SBF2: variants seen among roughly 807,000 people sequenced by gnomAD.
SBF2 encodes myotubularin-related protein 13.
Under a neutral mutation model 225.2 loss-of-function variants are expected in SBF2, and 112 were observed. The observed-to-expected ratio is 0.50, with a 90% CI of 0.43 to 0.58. SBF2 has a LOEUF of 0.58. Ranked by LOEUF, SBF2 falls within the 20% of genes least tolerant of loss-of-function variation. The probability of loss-of-function intolerance (pLI) is 0.00; values close to 1 mark genes in which losing one functional copy is unlikely to be tolerated. For missense variants in SBF2, 1,996 were observed against 2,206.2 expected (o/e 0.90, Z 1.91); for synonymous variants, 763 against 773.3 (o/e 0.99, Z 0.22).
intron 1 of SBF2, among the ~76,000 whole-genome samples, chr11:10,224,247 AG>A (rs1390040402): frequency 6.6e-6 from 1 of 152,130 alleles, no homozygotes; most frequent in Non-Finnish European, 1.5e-5. Flanking sequence ...TCCATGTATA[AG>A]TAGACCCATG....
At chr11:10,302,988 C>T (rs1042739686) in intron 1 of SBF2, 5 of 152,404 alleles carry the variant, frequency 3.3e-5, no homozygotes, top group Non-Finnish European at 5.9e-5. Context: ...CAAGTGGAAG[C>T]TGGCGACAAG....
Position 9,993,118 on chromosome 11 carries a change from A to T in SBF2, c.1054-15T>A, listed in dbSNP as rs1182333608. ...ACCTCTTTATCCTAAAAATATAAGA[A>T]GAAATGTTAGGTAATTTAACTTTTT... On this transcript the variant is annotated splice_polypyrimidine_tract_variant and intron_variant, in intron 10 of 39. Coordinates refer to ENST00000256190, the MANE Select transcript of SBF2 (RefSeq NM_030962.4). 6.4e-7 allele frequency: 1 copy of T among 1,561,504 alleles called. No individual in the cohort carries two copies. The highest frequency in any genetic ancestry group is 2.2e-5 in the East Asian group (1 of 44,542).
chr11:10,269,741 G>T (rs894056792), intron 1 of SBF2, among the ~76,000 whole-genome samples: 13 of 152,076 alleles, frequency 8.5e-5, no homozygotes, highest in Admixed American at 5.9e-4. Flanking sequence ...ATCAAGCTCA[G>T]ACTATGTGGC....
chr11:10,298,999 T>C (rs1591385856), upstream of SBF2, among the ~76,000 whole-genome samples: 1 of 152,098 alleles, frequency 6.6e-6, no homozygotes, highest in Non-Finnish European at 1.5e-5. Flanking sequence ...CATTTCTACC[T>C]TGAGTGTGTG....
chr11:9,809,234 G>A (rs528565714), intron 30 of SBF2: 4 of 448,716 alleles, frequency 8.9e-6, no homozygotes, highest in South Asian at 6.7e-5. Context: ...GGGAGGCCGA[G>A]CCGGGCAGGT....
At chr11:10,003,025 T>C (rs1948040588) in intron 6 of SBF2, among the ~76,000 whole-genome samples, 1 of 152,210 alleles carries the variant, frequency 6.6e-6, no homozygotes, top group Non-Finnish European at 1.5e-5. Context: ...CAGAGTCTGT[T>C]TGTCTGACGT....
intron 30 of SBF2, among the ~76,000 whole-genome samples, chr11:9,811,657 CATTTCTCTTTGGTTTAAGT>C (rs371067725): frequency 3.2e-4 from 48 of 152,030 alleles, no homozygotes; most frequent in African/African-American, 8.4e-4. Flanking sequence ...TATGTGGCGG[CATTTCTCTTTGGTTTAAGT>C]ATCTTGAGAA....
intron 16 of SBF2, among the ~76,000 whole-genome samples, chr11:9,947,821 C>T (rs899601686): frequency 6.6e-6 from 1 of 151,808 alleles, no homozygotes; most frequent in African/African-American, 2.4e-5. Context: ...GAAACTGAAA[C>T]CCTTGTGCTG....
intron 2 of SBF2, among the ~76,000 whole-genome samples, chr11:10,081,118 A>G (rs2134864432): frequency 6.6e-6 from 1 of 152,304 alleles, no homozygotes; most frequent in Middle Eastern, 3.4e-3. Flanking sequence ...AACATTCTAT[A>G]CAAGGAATAT....
chr11:9,873,911 T>C (rs1767337193), intron 17 of SBF2, among the ~76,000 whole-genome samples: 2 of 150,314 alleles, frequency 1.3e-5, no homozygotes, highest in African/African-American at 4.9e-5. Context: ...TAGCCGGGCC[T>C]GGTGGCAGGC....
At chr11:10,284,567 A>G (rs1280607618) in intron 1 of SBF2, among the ~76,000 whole-genome samples, 1 of 152,142 alleles carries the variant, frequency 6.6e-6, no homozygotes, top group African/African-American at 2.4e-5. Context: ...TTGTAAAAGA[A>G]ATTTTTCAAA....
At chr11:10,161,856 A>T (rs1298489368) in intron 2 of SBF2, among the ~76,000 whole-genome samples, 1 of 151,968 alleles carries the variant, frequency 6.6e-6, no homozygotes, top group African/African-American at 2.4e-5. Context: ...CTGGTGGCAC[A>T]TATCTCTAGT....
At chr11:10,198,155 TTCAA>T (rs767127990) in intron 1 of SBF2, among the ~76,000 whole-genome samples, 1 of 152,220 alleles carries the variant, frequency 6.6e-6, no homozygotes, top group Non-Finnish European at 1.5e-5. Flanking sequence ...TTTGCCCAGA[TTCAA>T]TCAGAGGAAT....
chr11:9,979,810 C>CTT (rs933648882), intron 13 of SBF2, among the ~76,000 whole-genome samples: 3,698 of 137,182 alleles, frequency 0.027, 248 homozygotes, highest in East Asian at 0.17. Context: ...TTAAATTCAT[C>CTT]TTTTTTTTTT....
At chr11:10,296,315 A>T (rs1007212276), upstream of SBF2, among the ~76,000 whole-genome samples, 1 of 152,218 alleles carries the variant, frequency 6.6e-6, no homozygotes, top group Non-Finnish European at 1.5e-5. Flanking sequence ...GCTAATAAAG[A>T]CATACCCGAG....
At chr11:10,224,385 T>C (rs1183017993) in intron 1 of SBF2, among the ~76,000 whole-genome samples, 1 of 152,138 alleles carries the variant, frequency 6.6e-6, no homozygotes, top group Non-Finnish European at 1.5e-5. Flanking sequence ...TCCCCATCCA[T>C]AATTCTCACA....
At chr11:9,860,576 C>A (rs537591298) in intron 17 of SBF2, among the ~76,000 whole-genome samples, 2 of 152,194 alleles carry the variant, frequency 1.3e-5, no homozygotes, top group South Asian at 4.2e-4. Flanking sequence ...AGTGATCCAC[C>A]TGCCTTGGCC....
At chr11:10,210,733 C>T (rs1957910246) in intron 1 of SBF2, among the ~76,000 whole-genome samples, 1 of 151,572 alleles carries the variant, frequency 6.6e-6, no homozygotes, top group Admixed American at 6.6e-5. Flanking sequence ...CCTCTTGTGG[C>T]CAGGCGCGGT....
intron 22 of SBF2, among the ~76,000 whole-genome samples, chr11:9,849,339 C>A (rs1438235253): frequency 6.6e-6 from 1 of 152,122 alleles, no homozygotes; most frequent in African/African-American, 2.4e-5. Flanking sequence ...GACTTGGAGT[C>A]CTGTTGTTTT....
Sources: allele counts gnomAD v4.1 joint callset (sites outside exome capture counted in the v4.1 genomes callset), GRCh38; gene constraint gnomAD v4.1.1; transcripts MANE v1.5; gene names NCBI Gene and HGNC (gene_info 2026-07-23, HGNC 2026-07-21).